Variants in OSBPL8 observed in about 807,000 individuals in gnomAD.
OSBPL8 encodes oxysterol-binding protein-related protein 8.
A neutral mutation model predicts 125.5 loss-of-function variants in OSBPL8; 59 were observed. The ratio of observed to expected loss-of-function variants is 0.47; its 90% CI spans 0.38 to 0.58. The LOEUF is 0.58. Among genes scored for constraint, OSBPL8 ranks in the 20% least tolerant of loss-of-function variants. The pLI is 0.00. For missense variants in OSBPL8, 758 were observed against 1,047.8 expected, an observed-to-expected ratio of 0.72 and a Z score of 3.82; for synonymous variants, 330 against 338.9, an observed-to-expected ratio of 0.97 and a Z score of 0.29.
At chr12:76,557,873 T>C (rs1951156439) in intron 1 of OSBPL8, among the ~76,000 whole-genome samples, 7 of 152,220 alleles carry the variant, frequency 4.6e-5, no homozygotes, top group Admixed American at 4.6e-4. Context: ...TACAGTAGCA[T>C]CTTTCCACAG....
chr12:76,495,956 A>G (rs1879222348), intron 1 of OSBPL8, among the ~76,000 whole-genome samples: 1 of 152,050 alleles, frequency 6.6e-6, no homozygotes, highest in South Asian at 2.1e-4. Context: ...TTTCAATGTG[A>G]TATTTAACAT....
chr12:76,417,565 T>A (rs180810604), intron 4 of OSBPL8, among the ~76,000 whole-genome samples: 8 of 152,306 alleles, frequency 5.3e-5, no homozygotes, highest in Admixed American at 3.9e-4. Context: ...CCCTGCTGTA[T>A]CCTGAATAAT....
intron 2 of OSBPL8, among the ~76,000 whole-genome samples, chr12:76,465,562 A>AAAAAT (rs899272373): frequency 1.1e-4 from 17 of 152,058 alleles, no homozygotes; most frequent in African/African-American, 1.9e-4. Context: ...TCCGTCTCAA[A>AAAAAT]AAAATAAAAT....
In OSBPL8 at chr12:76,511,084, C is replaced by G. The variant is rs78964968; in HGVS notation, c.-67-23466G>C. On this transcript the variant is annotated intron_variant, in intron 1 of 23. Transcript: ENST00000261183. ...GTACATGATGTTACCTAAACCAGTA[C>G]ATAGGGATATTAAATCCAGACTTCT... Among the ~76,000 whole-genome samples the G allele has an allele frequency of 2.9e-3, 444 of 152,266 alleles. 2 individuals carry two copies. Among genetic ancestry groups the G allele is most frequent in the African/African-American group, 0.01 (427 of 41,540 alleles).
Position 76,386,271 on chromosome 12 carries a change from T to TTA in OSBPL8, c.1435-6_1435-5insTA, listed in dbSNP as rs1555211073. The stretch of plus-strand genomic sequence containing the variant: ...ATTATAAGGTTTCTTCAGTCCCTGG[T>TTA]AAAAAAAAAAAAAAGCAATTTCAAA... On this transcript the variant is annotated splice_region_variant and splice_polypyrimidine_tract_variant and intron_variant, in intron 13 of 23. Coordinates refer to ENST00000261183, the MANE Select transcript of OSBPL8 (RefSeq NM_020841.5). 7.5e-6 allele frequency: 11 copies of TTA among 1,473,340 alleles called. No homozygotes were observed. The highest frequency in any genetic ancestry group is 1.3e-5 in the South Asian group (1 of 74,124). 91.3% of individuals were successfully genotyped at this position (1,473,340 alleles called of 1,614,324 possible). A position where few individuals can be genotyped will look rare whatever the true frequency, so the allele number is the denominator to read the frequency against.
At chr12:76,449,512 C>T (rs1873121471) in intron 4 of OSBPL8, among the ~76,000 whole-genome samples, 1 of 152,156 alleles carries the variant, frequency 6.6e-6, no homozygotes, top group Admixed American at 6.5e-5. Flanking sequence ...GGCAACTTAG[C>T]ATAAATCAAG....
intron 4 of OSBPL8, among the ~76,000 whole-genome samples, chr12:76,417,802 T>C (rs1046803385): frequency 1.2e-4 from 19 of 152,176 alleles, no homozygotes; most frequent in African/African-American, 4.6e-4. Flanking sequence ...TTAGTTTGTA[T>C]CGGATCACTC....
At chr12:76,403,525 C>T (rs907472534) in intron 5 of OSBPL8, among the ~76,000 whole-genome samples, 2 of 152,114 alleles carry the variant, frequency 1.3e-5, no homozygotes, top group African/African-American at 4.8e-5. Context: ...TTTCCTAATG[C>T]AATGCTTGTT....
intron 19 of OSBPL8, among the ~76,000 whole-genome samples, chr12:76,370,724 C>A (rs1178409616): frequency 6.6e-6 from 1 of 152,104 alleles, no homozygotes; most frequent in Non-Finnish European, 1.5e-5. Context: ...TCTTTGACAA[C>A]CTCAAATTTG....
intron 6 of OSBPL8, among the ~76,000 whole-genome samples, chr12:76,400,792 CTT>C (rs879470526): frequency 1.4e-4 from 19 of 137,000 alleles, no homozygotes; most frequent in Non-Finnish European, 1.1e-4. Flanking sequence ...ATAATTTTAC[CTT>C]TTTTTTTTTT....
At chr12:76,363,241 C>T (rs565133128) in intron 21 of OSBPL8, among the ~76,000 whole-genome samples, 10 of 152,150 alleles carry the variant, frequency 6.6e-5, no homozygotes, top group Middle Eastern at 3.4e-3. Flanking sequence ...CTAAGCAAAA[C>T]GAACAAAGCT....
At chr12:76,420,160 T>C (rs1869283522) in intron 4 of OSBPL8, among the ~76,000 whole-genome samples, 1 of 151,990 alleles carries the variant, frequency 6.6e-6, no homozygotes, top group Non-Finnish European at 1.5e-5. Flanking sequence ...CATAAACAAA[T>C]CTACAAATAA....
chr12:76,544,460 T>C (rs1950729964), intron 1 of OSBPL8, among the ~76,000 whole-genome samples: 1 of 152,154 alleles, frequency 6.6e-6, no homozygotes, highest in Non-Finnish European at 1.5e-5. Context: ...TGTTGAACAA[T>C]AGTGATATTA....
At chr12:76,522,393 T>C (rs1882146317) in intron 1 of OSBPL8, among the ~76,000 whole-genome samples, 3 of 152,026 alleles carry the variant, frequency 2.0e-5, no homozygotes, top group African/African-American at 7.2e-5. Context: ...ATTTGATCCC[T>C]AGTGTGGTGG....
chr12:76,508,269 T>C (rs1880622489), intron 1 of OSBPL8, among the ~76,000 whole-genome samples: 1 of 152,174 alleles, frequency 6.6e-6, no homozygotes, highest in Non-Finnish European at 1.5e-5. Context: ...AGAAGTCAGA[T>C]TGTAAATAAG....
At chr12:76,385,896 C>CA (rs879518501) in intron 14 of OSBPL8, 5,678 of 239,680 alleles carry the variant, frequency 0.024, 3 homozygotes, top group Middle Eastern at 0.045. Context: ...TGAGCTCAGC[C>CA]AAAAAAAAAA....
At chr12:76,517,976 A>G (rs1198918931) in intron 1 of OSBPL8, among the ~76,000 whole-genome samples, 2 of 152,150 alleles carry the variant, frequency 1.3e-5, no homozygotes, top group East Asian at 3.9e-4. Context: ...GAGGGGACAA[A>G]CATCTAAACC....
chr12:76,407,910 T>C (rs1261871540), intron 5 of OSBPL8, among the ~76,000 whole-genome samples: 1 of 152,064 alleles, frequency 6.6e-6, no homozygotes, highest in South Asian at 2.1e-4. Context: ...GGGAATTAAT[T>C]TGTCTGAGCC....
chr12:76,547,126 C>T (rs117924119), intron 1 of OSBPL8, among the ~76,000 whole-genome samples: 10 of 152,290 alleles, frequency 6.6e-5, no homozygotes, highest in Non-Finnish European at 1.0e-4. Flanking sequence ...AAAAGACACA[C>T]ATTCCAATAG....
Sources: gnomAD v4.1 joint callset for allele counts (sites outside exome capture counted in the v4.1 genomes callset) on GRCh38, gnomAD v4.1.1 for gene constraint, MANE v1.5 for transcripts, NCBI Gene and HGNC (gene_info 2026-07-23, HGNC 2026-07-21) for gene names.